The following LRBA variants were observed in gnomAD, a reference collection of about 807,000 sequenced individuals.
LRBA encodes the protein LPS responsive beige-like anchor protein, also known as lipopolysaccharide-responsive and beige-like anchor protein.
LRBA carries 176 observed loss-of-function variants against 330.0 expected under a neutral mutation model. That is an observed-to-expected ratio of 0.53 (90% CI 0.47 to 0.60). The LOEUF (loss-of-function observed/expected upper bound fraction) is 0.60, where lower values mean the gene tolerates loss of function less well. LRBA is among the 20% of genes least tolerant of loss of function. The pLI, the probability that LRBA is intolerant of heterozygous loss-of-function variation, is 0.00. For synonymous variants in LRBA, 1,230 were observed against 1,193.0 expected, an observed-to-expected ratio of 1.03 and a Z score of -0.64; for missense variants, 3,259 against 3,444.8, an observed-to-expected ratio of 0.95 and a Z score of 1.35.
At chr4:150,416,367 G>A (rs960504546) in intron 46 of LRBA, among the ~76,000 whole-genome samples, 8 of 152,106 alleles carry the variant, frequency 5.3e-5, no homozygotes, top group African/African-American at 1.9e-4. Context: ...TGGCAGGCCC[G>A]GCTTTCCAAA....
intron 48 of LRBA, among the ~76,000 whole-genome samples, chr4:150,344,902 C>G (rs749678493): frequency 2.0e-5 from 3 of 151,860 alleles, no homozygotes; most frequent in Non-Finnish European, 2.9e-5. Context: ...GCTCCTGTGT[C>G]TCTCTCTCTC....
rs150102345 is a variant in LRBA at position 150,265,713 on chromosome 4, C to A, written c.*9G>T. 2.8e-3 allele frequency: 4,430 copies of A among 1,579,606 alleles called. 17 individuals carry two copies. The highest frequency in any genetic ancestry group is 3.5e-3 in the Non-Finnish European group (3,990 of 1,148,416). ...TCCTAGGGGCAGAGTTGATGTACAGCTGTCACCATCAGTAGCGGGTTTGGT... is the reference window on the plus strand; with the variant it reads ...TCCTAGGGGCAGAGTTGATGTACAGATGTCACCATCAGTAGCGGGTTTGGT... On this transcript the variant is annotated 3_prime_UTR_variant, in exon 57 of 57. Coordinates refer to ENST00000651943, the MANE Select transcript of LRBA (RefSeq NM_001364905.1).
chr4:150,645,394 G>C (rs974098234), intron 37 of LRBA, among the ~76,000 whole-genome samples: 1 of 151,790 alleles, frequency 6.6e-6, no homozygotes, highest in African/African-American at 2.4e-5. Context: ...TGAATCACAA[G>C]TAATATGAAG....
At position 150,878,211 on chromosome 4, in the gene LRBA, C is replaced by T. The variant is rs182014870; in HGVS notation, c.2166-5456G>A. ...AAAAATAGCTAGGCATGATGGTGGGCACCTGTAATCCCAGCTACTCAGGAG... is the reference window on the plus strand; with the variant it reads ...AAAAATAGCTAGGCATGATGGTGGGTACCTGTAATCCCAGCTACTCAGGAG... On this transcript the variant is annotated intron_variant, in intron 17 of 56. Coordinates refer to ENST00000651943, the MANE Select transcript of LRBA (RefSeq NM_001364905.1). 4.1e-3 allele frequency among the ~76,000 whole-genome samples: 624 copies of T among 151,724 alleles called. 4 individuals are homozygous for T. The highest frequency in any genetic ancestry group is 0.014 in the African/African-American group (561 of 41,360).
intron 47 of LRBA, among the ~76,000 whole-genome samples, chr4:150,402,123 TACTAAAAAAAAAA>T (rs1313513949): frequency 7.0e-6 from 1 of 143,708 alleles, no homozygotes; most frequent in Non-Finnish European, 1.5e-5. Context: ...ATGCCATCTC[TACTAAAAAAAAAA>T]AAAAAAAAAT....
At chr4:150,721,171 T>C in intron 36 of LRBA, 1 of 574,324 alleles carries the variant, frequency 1.7e-6, no homozygotes, top group South Asian at 1.6e-5. Flanking sequence ...TTTGGTTACA[T>C]GATAGATACC....
At position 150,487,603 on chromosome 4, in the gene LRBA, A is replaced by G. The variant is rs985862440; in HGVS notation, c.6551+129T>C. On this transcript the variant is annotated intron_variant, in intron 42 of 56. Coordinates refer to ENST00000651943, the MANE Select transcript of LRBA (RefSeq NM_001364905.1). ...TTATTTACTATGAAACATAAAACAG[A>G]AAGTTATAAATTTCAAAATAAGTGA... The G allele has an allele frequency of 3.3e-5, 13 of 392,576 alleles. 1 individual carries two copies. Among genetic ancestry groups the G allele is most frequent in the African/African-American group, 2.6e-4 (12 of 45,732 alleles). 24.3% of individuals were successfully genotyped at this position (392,576 alleles called of 1,614,324 possible).
Position 150,583,113 on chromosome 4 carries a change from C to T in LRBA, c.6330+4935G>A. On this transcript the variant is annotated intron_variant, in intron 40 of 56. Transcript: ENST00000651943. The surrounding 1 kb of genome is among the most constrained non-coding windows in gnomAD (Gnocchi z 9.8). ...GTCAGGCGCGCAAGGCGGCCATCGC[C>T]AAAACCATCCGAGAGGTCTGTAAGG... 3 of 1,614,200 alleles carry T rather than the reference C, an allele frequency of 1.9e-6. No homozygotes were observed. Among genetic ancestry groups the T allele is most frequent in the Non-Finnish European group, 2.5e-6 (3 of 1,180,030 alleles).
In LRBA at chr4:150,539,468, T is replaced by C. The variant is rs146745530; in HGVS notation, c.6331-48433A>G. On this transcript the variant is annotated intron_variant, in intron 40 of 56. Coordinates refer to ENST00000651943, the MANE Select transcript of LRBA (RefSeq NM_001364905.1). ...ATTACTTTCCTTATTCAGTCCAAAA[T>C]AGATTTCCAATGCCCTATCTCTAAA... Among the ~76,000 whole-genome samples the C allele has an allele frequency of 2.2e-4, 34 of 152,346 alleles. No individual in the cohort carries two copies. In the East Asian group the frequency reaches 6.6e-3, roughly 29 times the overall value.
chr4:150,766,938 T>C (rs578229026), intron 34 of LRBA, among the ~76,000 whole-genome samples: 239 of 152,312 alleles, frequency 1.6e-3, no homozygotes, highest in Non-Finnish European at 2.5e-3. Context: ...GCCATAATTG[T>C]TGACTAGTCA....
chr4:150,692,329 C>T (rs1784214411), intron 36 of LRBA, among the ~76,000 whole-genome samples: 1 of 152,048 alleles, frequency 6.6e-6, no homozygotes, highest in Non-Finnish European at 1.5e-5. Context: ...AGTGATCCTG[C>T]CACTTCAGTC....
Position 150,333,660 on chromosome 4 carries a change from T to C in LRBA, c.7363-7762A>G, listed in dbSNP as rs141403448. Reference sequence around the variant, plus strand: ...TTCCCTTCAGATGTTTGAACTTAAATTGTAGAACACTTGCTGGATATTTGA... The same window carrying C: ...TTCCCTTCAGATGTTTGAACTTAAACTGTAGAACACTTGCTGGATATTTGA... On this transcript the variant is annotated intron_variant, in intron 48 of 56. Transcript: ENST00000651943. 9.3e-4 allele frequency among the ~76,000 whole-genome samples: 141 copies of C among 152,326 alleles called. 1 individual carries two copies. The highest frequency in any genetic ancestry group is 2.8e-3 in the African/African-American group (115 of 41,588).
chr4:150,909,277 C>T (rs564225022), intron 9 of LRBA, among the ~76,000 whole-genome samples: 2 of 152,122 alleles, frequency 1.3e-5, no homozygotes, highest in Non-Finnish European at 2.9e-5. Context: ...TTAACAACTC[C>T]CCATTTCCTG....
Position 150,321,169 on chromosome 4 carries a change from A to T in LRBA, c.7630+22T>A, listed in dbSNP as rs1228913958. ...CAGTGTTCAGCAGTTACCATGCCTT[A>T]TAATGGTATTTCTTTACTTACCAGG... On this transcript the variant is annotated intron_variant, in intron 50 of 56. Coordinates refer to ENST00000651943, the MANE Select transcript of LRBA (RefSeq NM_001364905.1). This position sits in a 1 kb window ranked among gnomAD's most constrained non-coding sequence, Gnocchi z 4.5. 13 of 1,593,886 alleles carry T rather than the reference A, an allele frequency of 8.2e-6. No homozygotes were observed. Among genetic ancestry groups the T allele is most frequent in the Non-Finnish European group, 1.1e-5 (13 of 1,168,190 alleles).
chr4:150,551,081 T>C (rs1766524469), intron 40 of LRBA, among the ~76,000 whole-genome samples: 1 of 152,126 alleles, frequency 6.6e-6, no homozygotes, highest in Non-Finnish European at 1.5e-5. Flanking sequence ...GGAGTGTTAA[T>C]TATCACAAGA....
chr4:150,422,176 C>T (rs1035870563), intron 46 of LRBA, among the ~76,000 whole-genome samples: 2 of 152,120 alleles, frequency 1.3e-5, no homozygotes, highest in Admixed American at 6.5e-5. Context: ...GTGAGGACTG[C>T]TTGAGCCTGG....
Position 150,957,504 on chromosome 4 carries a change from G to T in LRBA, c.217-28439C>A, listed in dbSNP as rs528214546. Among the ~76,000 whole-genome samples the T allele has an allele frequency of 5.4e-5, 8 of 148,470 alleles. No individual in the cohort carries two copies. In the East Asian group the frequency reaches 1.2e-3, roughly 22 times the overall value. On this transcript the variant is annotated intron_variant, in intron 2 of 56. Transcript: ENST00000651943. ...AGCTAGAATTCAAGATGAGATTTTGGTGGGGACACAGCCAAACCATATCAT... is the reference window on the plus strand; with the variant it reads ...AGCTAGAATTCAAGATGAGATTTTGTTGGGGACACAGCCAAACCATATCAT...
chr4:150,837,250 G>C (rs1387670789), intron 28 of LRBA, among the ~76,000 whole-genome samples: 2 of 152,194 alleles, frequency 1.3e-5, no homozygotes, highest in East Asian at 3.8e-4. Context: ...GCGACGTGGT[G>C]CTGAGAAGAA....
chr4:150,751,732 TGCTTGTGTCA>T (rs1733584375), intron 35 of LRBA, among the ~76,000 whole-genome samples: 1 of 152,050 alleles, frequency 6.6e-6, no homozygotes, highest in Non-Finnish European at 1.5e-5. Flanking sequence ...GAAGAAAAAA[TGCTTGTGTCA>T]GCCTTAGGAA....
Sources: gnomAD v4.1 joint callset for allele counts (sites outside exome capture counted in the v4.1 genomes callset) on GRCh38, gnomAD v4.1.1 for gene constraint, Gnocchi (gnomAD v3.1) non-coding constraint, MANE v1.5 for transcripts, NCBI Gene and HGNC (gene_info 2026-07-23, HGNC 2026-07-21) for gene names.